Variants in NHEJ1 observed in about 807,000 individuals in gnomAD.
NHEJ1 encodes the protein non-homologous end joining factor 1.
A neutral mutation model predicts 39.4 loss-of-function variants in NHEJ1; 22 were observed. The ratio of observed to expected loss-of-function variants is 0.56; its 90% CI spans 0.40 to 0.80. The LOEUF is 0.80. Among genes scored for constraint, NHEJ1 ranks in the 30% least tolerant of loss-of-function variants. The pLI is 0.00. For synonymous variants in NHEJ1, 154 were observed against 135.6 expected (o/e 1.14, Z -0.94); for missense variants, 329 against 357.1 (o/e 0.92, Z 0.63).
In NHEJ1 at chr2:219,072,774, A is replaced by C. The variant is rs1948973270; in HGVS notation, c.*3607T>G. ...AGGGCTATTAAGAGAATTTAGGCTT[A>C]CTCTATACTCTCTGGAGCGAATCTG... On this transcript the variant is annotated 3_prime_UTR_variant, in exon 8 of 8. Transcript: ENST00000356853. 1.3e-5 allele frequency among the ~76,000 whole-genome samples: 2 copies of C among 152,014 alleles called. No individual in the cohort carries two copies.
intron 5 of NHEJ1, among the ~76,000 whole-genome samples, chr2:219,120,967 TG>T (rs1269358050): frequency 6.6e-6 from 1 of 152,046 alleles, no homozygotes; most frequent in Non-Finnish European, 1.5e-5. Context: ...GAGGCTGAGG[TG>T]GGTGGATCAC....
At position 219,076,070 on chromosome 2, in the gene NHEJ1, G is replaced by A. The variant is rs189658603; in HGVS notation, c.*311C>T. On this transcript the variant is annotated 3_prime_UTR_variant, in exon 8 of 8. Coordinates refer to ENST00000356853, the MANE Select transcript of NHEJ1 (RefSeq NM_024782.3). ...AGAGACGCTAGGGAAAGGTAGACAA[G>A]GCTTCCTGAGTGTGTGGTGCTTTCT... 7 of 526,888 alleles carry A rather than the reference G, an allele frequency of 1.3e-5. No individual in the cohort carries two copies. Among genetic ancestry groups the A allele is most frequent in the African/African-American group, 1.1e-4 (6 of 52,462 alleles). 32.6% of individuals were successfully genotyped at this position (526,888 alleles called of 1,614,324 possible). A position where few individuals can be genotyped will look rare whatever the true frequency, so the allele number is the denominator to read the frequency against.
chr2:219,146,660 G>A lies in NHEJ1; in HGVS notation c.588+20C>T, dbSNP rs1949743996. Reference sequence around the variant, plus strand: ...GAGGAAGTAGGGCAAAGACACACAAGAAAATGACAAATACCTTACCTCTAT... The same window carrying A: ...GAGGAAGTAGGGCAAAGACACACAAAAAAATGACAAATACCTTACCTCTAT... On this transcript the variant is annotated intron_variant, in intron 5 of 7. Transcript: ENST00000356853. 6.3e-7 allele frequency: 1 copy of A among 1,597,968 alleles called. No homozygotes were observed. Among genetic ancestry groups the A allele is most frequent in the African/African-American group, 1.3e-5 (1 of 74,594 alleles).
At chr2:219,083,309 A>T (rs1375167439) in intron 5 of NHEJ1, among the ~76,000 whole-genome samples, 1 of 152,214 alleles carries the variant, frequency 6.6e-6, no homozygotes, top group African/African-American at 2.4e-5. Context: ...CCCTGGGTCC[A>T]TGACACAGAC....
rs1949011361 is a variant in NHEJ1, at chr2:219,076,168, A to C, written c.*213T>G. 2 of 1,056,768 alleles carry C rather than the reference A, an allele frequency of 1.9e-6. No individual in the cohort carries two copies. Among genetic ancestry groups the C allele is most frequent in the Non-Finnish European group, 2.7e-6 (2 of 749,032 alleles). 65.5% of individuals were successfully genotyped at this position (1,056,768 alleles called of 1,614,324 possible). A position where few individuals can be genotyped will look rare whatever the true frequency, so the allele number is the denominator to read the frequency against. ...TACAGAACCTCCACCAAAAGAGAGGAGAGCACGGGATTCTCAGAGACTGGC... is the reference window on the plus strand; with the variant it reads ...TACAGAACCTCCACCAAAAGAGAGGCGAGCACGGGATTCTCAGAGACTGGC... On this transcript the variant is annotated 3_prime_UTR_variant, in exon 8 of 8. Coordinates refer to ENST00000356853, the MANE Select transcript of NHEJ1 (RefSeq NM_024782.3).
intron 5 of NHEJ1, among the ~76,000 whole-genome samples, chr2:219,098,257 T>C (rs547921624): frequency 6.6e-6 from 1 of 152,232 alleles, no homozygotes; most frequent in South Asian, 2.1e-4. Flanking sequence ...AGGAGTTTTG[T>C]AGTGAAGGGG....
At chr2:219,158,082 C>T in intron 2 of NHEJ1, 104 bp downstream of exon 2, 3 of 1,134,912 alleles carry the variant, frequency 2.6e-6, no homozygotes, top group South Asian at 2.5e-5. Flanking sequence ...AGGACATTAA[C>T]TGGAATTGTC....
At chr2:219,115,555 A>G (rs1010253779) in intron 5 of NHEJ1, among the ~76,000 whole-genome samples, 4 of 152,176 alleles carry the variant, frequency 2.6e-5, no homozygotes, top group Non-Finnish European at 5.9e-5. Context: ...CATTACACAA[A>G]GGGCTAGAAG....
intron 5 of NHEJ1, among the ~76,000 whole-genome samples, chr2:219,144,246 T>C (rs1161377043): frequency 3.3e-5 from 5 of 152,070 alleles, no homozygotes; most frequent in Non-Finnish European, 5.9e-5. Context: ...CATAGACTTA[T>C]CAAAATATTA....
chr2:219,124,450 C>T (rs2106347105), intron 5 of NHEJ1, among the ~76,000 whole-genome samples: 1 of 151,934 alleles, frequency 6.6e-6, no homozygotes, highest in Middle Eastern at 3.4e-3. Context: ...ACCTCTCATA[C>T]ACCCACTCCA....
intron 5 of NHEJ1, chr2:219,124,783 A>C (rs1949500427): frequency 6.6e-6 from 1 of 152,096 alleles, no homozygotes; most frequent in African/African-American, 2.4e-5. Context: ...GAGGGCTGTG[A>C]CATTATTACA....
intron 5 of NHEJ1, among the ~76,000 whole-genome samples, chr2:219,139,267 T>C (rs1413053481): frequency 6.6e-6 from 1 of 152,100 alleles, no homozygotes; most frequent in Non-Finnish European, 1.5e-5. Flanking sequence ...TTTGTATTTT[T>C]AGTAGAGACG....
intron 5 of NHEJ1, among the ~76,000 whole-genome samples, chr2:219,105,022 C>T (rs73991042): frequency 0.025 from 3,740 of 152,210 alleles, 159 homozygotes; most frequent in African/African-American, 0.085. Flanking sequence ...ATGAAAAGGA[C>T]TCACCAAGGT....
chr2:219,080,386 A>C (rs1352030821), intron 5 of NHEJ1, among the ~76,000 whole-genome samples: 1 of 151,854 alleles, frequency 6.6e-6, no homozygotes, highest in Non-Finnish European at 1.5e-5. Context: ...TTAGCCGGGC[A>C]CGGTGGTGGG....
In NHEJ1 at chr2:219,137,585, A is replaced by AC. The variant is rs1949645150; in HGVS notation, c.588+9094_588+9095insG. ...GTGTTACAGGCAAAAAAAAAAAAAA[A>AC]AAAAAAACAAAAAAAACTGAAAACC... On this transcript the variant is annotated intron_variant, in intron 5 of 7. Coordinates refer to ENST00000356853, the MANE Select transcript of NHEJ1 (RefSeq NM_024782.3). Among the ~76,000 whole-genome samples the AC allele has an allele frequency of 7.1e-5, 10 of 140,068 alleles. 1 individual carries two copies. The highest frequency in any genetic ancestry group is 3.6e-4 in the Admixed American group (5 of 13,930). The allele number at this position is 140,068 out of a possible 152,430, so 91.9% of individuals were successfully genotyped here.
chr2:219,151,065 T>C (rs903554619), intron 3 of NHEJ1, among the ~76,000 whole-genome samples: 1 of 149,824 alleles, frequency 6.7e-6, no homozygotes, highest in African/African-American at 2.5e-5. Context: ...GAGGTGGACG[T>C]TGCAGTGGGC....
intron 5 of NHEJ1, among the ~76,000 whole-genome samples, chr2:219,089,429 T>C (rs1288120075): frequency 1.3e-5 from 2 of 152,246 alleles, no homozygotes; most frequent in Non-Finnish European, 2.9e-5. Flanking sequence ...AGTACTGATA[T>C]TCGCTTTAAT....
chr2:219,088,812 T>G (rs561117999), intron 5 of NHEJ1, among the ~76,000 whole-genome samples: 21 of 152,318 alleles, frequency 1.4e-4, no homozygotes, highest in South Asian at 4.1e-4. Flanking sequence ...TTCAGCTTTT[T>G]TTTGTTTGTT....
chr2:219,150,301 G>C (rs932055005), intron 3 of NHEJ1, among the ~76,000 whole-genome samples: 1 of 152,148 alleles, frequency 6.6e-6, no homozygotes, highest in African/African-American at 2.4e-5. Context: ...GAAATGGAAG[G>C]GTTCTGGCAC....
Sources: gnomAD v4.1 joint callset for allele counts (sites outside exome capture counted in the v4.1 genomes callset) on GRCh38, gnomAD v4.1.1 for gene constraint, MANE v1.5 for transcripts, NCBI Gene and HGNC (gene_info 2026-07-23, HGNC 2026-07-21) for gene names.